The following TTC28 variants were observed in gnomAD, a reference collection of about 807,000 sequenced individuals.
TTC28 encodes the protein tetratricopeptide repeat protein 28.
TTC28 carries 61 observed loss-of-function variants against 198.0 expected under a neutral mutation model. The ratio of observed to expected loss-of-function variants is 0.31; its 90% CI spans 0.25 to 0.38. TTC28 has a LOEUF of 0.38. TTC28 is among the 10% of genes least tolerant of loss of function. The pLI is 1.00. For synonymous variants in TTC28, 1,171 were observed against 1,297.8 expected, an observed-to-expected ratio of 0.90 and a Z score of 2.10; for missense variants, 2,678 against 3,164.0, an observed-to-expected ratio of 0.85 and a Z score of 3.69.
At chr22:28,104,540 T>C (rs901071866) in intron 8 of TTC28, among the ~76,000 whole-genome samples, 2 of 152,210 alleles carry the variant, frequency 1.3e-5, no homozygotes, top group African/African-American at 4.8e-5. Flanking sequence ...AGAAGGACTT[T>C]CAAGAGCAGA....
intron 12 of TTC28, among the ~76,000 whole-genome samples, chr22:28,069,953 CACACACACACACACAA>C (rs1392000512): frequency 7.3e-5 from 11 of 151,692 alleles, no homozygotes; most frequent in Admixed American, 7.2e-4. Context: ...CACACACACA[CACACACACACACACAA>C]ATGCCCCTTG....
chr22:28,423,192 C>T (rs1271628108), intron 2 of TTC28, among the ~76,000 whole-genome samples: 2 of 152,068 alleles, frequency 1.3e-5, no homozygotes, highest in African/African-American at 4.8e-5. Flanking sequence ...GAGTTCGAGA[C>T]CAGCCTAACC....
chr22:28,627,277 GTAT>G lies in TTC28; in HGVS notation c.381+2272_381+2274del, dbSNP rs551913522. 1.1e-4 allele frequency among the ~76,000 whole-genome samples: 16 copies of G among 152,060 alleles called. No individual in the cohort carries two copies. In the South Asian group the frequency reaches 1.2e-3, roughly 12 times the overall value. On this transcript the variant is annotated intron_variant, in intron 2 of 22. Transcript: ENST00000397906. ...CTTAAGCAACAATCTTCCAAGATAGGTATTATTATTATTCCCATTTATCTTAAC... is the reference window on the plus strand; with the variant it reads ...CTTAAGCAACAATCTTCCAAGATAGGTATTATTATTCCCATTTATCTTAAC...
chr22:28,387,696 T>C (rs970269278), intron 2 of TTC28, among the ~76,000 whole-genome samples: 32 of 152,370 alleles, frequency 2.1e-4, no homozygotes, highest in Non-Finnish European at 1.2e-4. Flanking sequence ...GGGTTGTTTG[T>C]GTTTTTCTTC....
intron 12 of TTC28, among the ~76,000 whole-genome samples, chr22:28,082,771 G>T (rs895247174): frequency 3.9e-5 from 6 of 152,104 alleles, no homozygotes; most frequent in East Asian, 1.9e-4. Flanking sequence ...AAATGAATTT[G>T]TAATGTTCTT....
intron 2 of TTC28, among the ~76,000 whole-genome samples, chr22:28,539,231 G>A (rs558188011): frequency 6.6e-6 from 1 of 152,250 alleles, no homozygotes; most frequent in Admixed American, 6.5e-5. Flanking sequence ...AGAGGAAGGC[G>A]GGGGCTGACA....
intron 12 of TTC28, among the ~76,000 whole-genome samples, chr22:28,066,441 C>T (rs1940757790): frequency 6.6e-6 from 1 of 152,108 alleles, no homozygotes; most frequent in African/African-American, 2.4e-5. Flanking sequence ...ACTCACTCAT[C>T]CTACATAACT....
At chr22:28,004,611 CTG>C (rs1419531311) in intron 14 of TTC28, among the ~76,000 whole-genome samples, 2 of 152,202 alleles carry the variant, frequency 1.3e-5, no homozygotes, top group African/African-American at 4.8e-5. Flanking sequence ...TGTCCAAACT[CTG>C]TGAAATGAGG....
chr22:27,983,511 A>G lies in TTC28; in HGVS notation c.6156T>C (p.Asp2052=). Reference sequence around the variant, plus strand: ...TAGAAAACCCTTCATATTCTTCTTCATCTTTGTTGCCTGCAGGGCGGGTCT... The same window carrying G: ...TAGAAAACCCTTCATATTCTTCTTCGTCTTTGTTGCCTGCAGGGCGGGTCT... ...PPQTRPAGNK[D]EEEYEGFSII... is the part of the protein sequence containing the mutation. Residue 2052 remains aspartate, a synonymous_variant, in exon 23 of 23, where the codon GAT becomes GAC. Coordinates refer to ENST00000397906, the MANE Select transcript of TTC28 (RefSeq NM_001145418.2). The G allele has an allele frequency of 6.5e-7, 1 of 1,548,774 alleles. No homozygotes were observed. The highest frequency in any genetic ancestry group is 8.7e-7 in the Non-Finnish European group (1 of 1,146,294).
intron 2 of TTC28, among the ~76,000 whole-genome samples, chr22:28,422,581 G>C (rs2146175627): frequency 6.6e-6 from 1 of 151,986 alleles, no homozygotes; most frequent in East Asian, 1.9e-4. Flanking sequence ...TGGGACTACA[G>C]GTGCCCGCCA....
At chr22:28,529,417 A>G (rs564933727) in intron 2 of TTC28, among the ~76,000 whole-genome samples, 44 of 152,280 alleles carry the variant, frequency 2.9e-4, no homozygotes, top group Middle Eastern at 6.8e-3. Flanking sequence ...GGAAGCTCAA[A>G]CTGGGTGGAG....
intron 5 of TTC28, among the ~76,000 whole-genome samples, chr22:28,252,790 A>G (rs1281129967): frequency 1.3e-5 from 2 of 152,210 alleles, no homozygotes; most frequent in African/African-American, 4.8e-5. Flanking sequence ...AGTGAGAGTT[A>G]TTAATTACAT....
intron 2 of TTC28, among the ~76,000 whole-genome samples, chr22:28,412,997 T>C (rs1402893007): frequency 6.6e-6 from 1 of 152,234 alleles, no homozygotes; most frequent in Non-Finnish European, 1.5e-5. Context: ...CCGTAACTTT[T>C]TATTCATTAT....
intron 5 of TTC28, among the ~76,000 whole-genome samples, chr22:28,292,160 G>A (rs1466189403): frequency 6.6e-6 from 1 of 151,822 alleles, no homozygotes; most frequent in South Asian, 2.1e-4. Flanking sequence ...TCATGTAATT[G>A]TTATGTAATT....
chr22:28,589,904 G>C (rs1703640355), intron 2 of TTC28, among the ~76,000 whole-genome samples: 1 of 151,418 alleles, frequency 6.6e-6, no homozygotes, highest in Non-Finnish European at 1.5e-5. Flanking sequence ...TGGGCATGGT[G>C]GTGGGTGCCT....
At chr22:28,555,184 GA>G (rs925707758) in intron 2 of TTC28, among the ~76,000 whole-genome samples, 5 of 152,064 alleles carry the variant, frequency 3.3e-5, no homozygotes, top group Non-Finnish European at 5.9e-5. Flanking sequence ...TAGCCATAAT[GA>G]AAAAATAATA....
chr22:28,350,211 C>G, intron 2 of TTC28, among the ~76,000 whole-genome samples: 1 of 152,104 alleles, frequency 6.6e-6, no homozygotes, highest in East Asian at 1.9e-4. Context: ...TAACCACATT[C>G]CAGATAAAGT....
intron 12 of TTC28, among the ~76,000 whole-genome samples, chr22:28,062,406 A>C (rs1300488813): frequency 8.7e-6 from 1 of 114,988 alleles, no homozygotes; most frequent in Non-Finnish European, 1.8e-5. Flanking sequence ...GATTGTTTTT[A>C]ACTCTTCTTT....
chr22:28,136,632 G>C (rs746867756), intron 6 of TTC28, among the ~76,000 whole-genome samples: 8 of 152,188 alleles, frequency 5.3e-5, no homozygotes, highest in Non-Finnish European at 7.3e-5. Context: ...TGTCTAACAT[G>C]AGAGCATTCC....
Sources: gnomAD v4.1 joint callset for allele counts (sites outside exome capture counted in the v4.1 genomes callset) on GRCh38, gnomAD v4.1.1 for gene constraint, MANE v1.5 for transcripts, NCBI Gene and HGNC (gene_info 2026-07-23, HGNC 2026-07-21) for gene names.